SNRNP35: variants seen among roughly 807,000 people sequenced by gnomAD.
The protein encoded by SNRNP35 is small nuclear ribonucleoprotein U11/U12 subunit 35.
SNRNP35 carries 16 observed loss-of-function variants against 24.3 expected under a neutral mutation model. That is an observed-to-expected ratio of 0.66 (90% CI 0.45 to 1.00). The LOEUF (loss-of-function observed/expected upper bound fraction) is 1.00. Among genes scored for constraint, SNRNP35 ranks in the 50% least tolerant of loss-of-function variants. SNRNP35 has a pLI of 0.00. For synonymous variants in SNRNP35, 106 were observed against 124.8 expected (o/e 0.85, Z 1.00); for missense variants, 292 against 327.2 (o/e 0.89, Z 0.83).
intron 1 of SNRNP35, among the ~76,000 whole-genome samples, chr12:123,463,758 GT>G (rs1290294073): frequency 6.7e-6 from 1 of 149,208 alleles, no homozygotes; most frequent in Non-Finnish European, 1.5e-5. Flanking sequence ...ACCTGGTTTG[GT>G]TTTTATTTTT....
intron 1 of SNRNP35, among the ~76,000 whole-genome samples, chr12:123,461,368 T>C (rs931032987): frequency 6.8e-6 from 1 of 147,406 alleles, no homozygotes; most frequent in African/African-American, 2.5e-5. Flanking sequence ...CCTCGTGATC[T>C]GCCCGCCTCG....
rs775399833 is a variant in SNRNP35, at chr12:123,465,561, C to T, written c.21C>T (p.Ile7=). The change falls in exon 2 of 2, where the codon ATC becomes ATT. Residue 7 remains isoleucine (I), a synonymous_variant. Transcript: ENST00000526639. The surrounding 1 kb of genome is among the most constrained non-coding windows in gnomAD (Gnocchi z 4.2). MNDWMP[I]AKEYDPLKAG... ...AGAACATGAACGATTGGATGCCCAT[C>T]GCCAAGGAGTATGATCCACTCAAAG... is the stretch of plus-strand genomic sequence containing the variant. 11 of 1,553,474 alleles carry T rather than the reference C, an allele frequency of 7.1e-6. No homozygotes were observed. The highest frequency in any genetic ancestry group is 8.7e-6 in the Non-Finnish European group (10 of 1,150,926).
downstream of SNRNP35, chr12:123,470,047 A>C (rs1374434497): frequency 6.6e-6 from 1 of 151,954 alleles, no homozygotes; most frequent in African/African-American, 2.4e-5. Context: ...ACACATGTAC[A>C]TATATATATG....
exon 2 of SNRNP35, chr12:123,472,931 G>A (rs1047960262): frequency 1.1e-5 from 5 of 452,206 alleles, no homozygotes; most frequent in African/African-American, 9.8e-5. Flanking sequence ...GATGTGATGT[G>A]TGAGGTGTCT....
chr12:123,469,733 G>C (rs1029735625), downstream of SNRNP35, among the ~76,000 whole-genome samples: 5 of 152,116 alleles, frequency 3.3e-5, no homozygotes, highest in South Asian at 6.2e-4. Flanking sequence ...AAACTCCTGG[G>C]CTCAAGTGAT....
At chr12:123,472,236 T>G in exon 2 of SNRNP35, 1 of 322,568 alleles carries the variant, frequency 3.1e-6, no homozygotes, top group Non-Finnish European at 5.8e-6. Context: ...TTAAAGAAGC[T>G]TGTGTTACTG....
chr12:123,470,307 G>T (rs781038962), downstream of SNRNP35: 4 of 151,154 alleles, frequency 2.6e-5, no homozygotes, highest in African/African-American at 4.9e-5. Context: ...GTAAGACCTG[G>T]TCTCTACAAA....
Position 123,465,414 on chromosome 12 carries a change from T to G in SNRNP35, c.-3-124T>G. 1 of 1,194,370 alleles carries G rather than the reference T, an allele frequency of 8.4e-7. No individual in the cohort carries two copies. Among genetic ancestry groups the G allele is most frequent in the South Asian group, 1.8e-5 (1 of 56,030 alleles). 74.0% of individuals were successfully genotyped at this position (1,194,370 alleles called of 1,614,324 possible). A position where few individuals can be genotyped will look rare whatever the true frequency, so the allele number is the denominator to read the frequency against. The stretch of plus-strand genomic sequence containing the variant: ...AGGGAGGACTTAGCCTCTGTGGGTG[T>G]TCCCTTCCTTTCCTGTTTTTAAGAA... On this transcript the variant is annotated intron_variant, in intron 1 of 1. Transcript: ENST00000526639. This position sits in a 1 kb window ranked among gnomAD's most constrained non-coding sequence, Gnocchi z 4.2.
At chr12:123,467,558 C>G (rs1181383087), downstream of SNRNP35, among the ~76,000 whole-genome samples, 1 of 152,106 alleles carries the variant, frequency 6.6e-6, no homozygotes, top group Non-Finnish European at 1.5e-5. Context: ...CCATACTGTT[C>G]GGATGATTTT....
chr12:123,463,776 T>A (rs1363403806), intron 1 of SNRNP35, among the ~76,000 whole-genome samples: 2 of 151,574 alleles, frequency 1.3e-5, no homozygotes, highest in Non-Finnish European at 2.9e-5. Flanking sequence ...TTTTTATTTT[T>A]TTTTTTGAGA....
chr12:123,471,551 G>A (rs1881190779), downstream of SNRNP35: 1 of 152,214 alleles, frequency 6.6e-6, no homozygotes, highest in Non-Finnish European at 1.5e-5. Context: ...CTCACCAGTT[G>A]CAGTAGAGCA....
At chr12:123,468,358 CAAA>C (rs62816460), downstream of SNRNP35, among the ~76,000 whole-genome samples, 2 of 92,256 alleles carry the variant, frequency 2.2e-5, no homozygotes, top group South Asian at 3.8e-4. Context: ...GACTCTGTCT[CAAA>C]AAAAAAAAAA....
At chr12:123,472,577 A>G (rs2139299169) in exon 2 of SNRNP35, 1 of 1,555,148 alleles carries the variant, frequency 6.4e-7, no homozygotes, top group Non-Finnish European at 8.7e-7. Context: ...GCTCTGTGTA[A>G]CCGTCATCGC....
intron 1 of SNRNP35, among the ~76,000 whole-genome samples, chr12:123,462,833 A>G (rs1352262439): frequency 1.3e-5 from 2 of 151,786 alleles, no homozygotes; most frequent in Non-Finnish European, 2.9e-5. Context: ...TTTGGATTTT[A>G]TTCTGTAGGT....
At chr12:123,470,449 G>C (rs1439390765), downstream of SNRNP35, 2 of 137,948 alleles carry the variant, frequency 1.4e-5, no homozygotes, top group Non-Finnish European at 3.0e-5. Flanking sequence ...CTCCAGCCTA[G>C]GTGACAGAGT....
chr12:123,462,372 T>C (rs1406164176), intron 1 of SNRNP35, among the ~76,000 whole-genome samples: 1 of 152,090 alleles, frequency 6.6e-6, no homozygotes, highest in East Asian at 1.9e-4. Flanking sequence ...AATTAGGGCA[T>C]ATTCAAGGAA....
chr12:123,463,470 T>C (rs1593513406), intron 1 of SNRNP35, among the ~76,000 whole-genome samples: 1 of 151,082 alleles, frequency 6.6e-6, no homozygotes, highest in African/African-American at 2.4e-5. Context: ...CTCCGCCTCC[T>C]GGGTTCAAGC....
chr12:123,466,335 G>C lies in SNRNP35; in HGVS notation c.*54G>C. The C allele has an allele frequency of 2.0e-6, 3 of 1,487,672 alleles. No homozygotes were observed. The highest frequency in any genetic ancestry group is 2.7e-6 in the Non-Finnish European group (3 of 1,115,954). The allele number at this position is 1,487,672 out of a possible 1,614,324, so 92.2% of individuals were successfully genotyped here. On this transcript the variant is annotated 3_prime_UTR_variant, in exon 2 of 2. Transcript: ENST00000526639. ...GTTACAGTGGAAATGAGTGGAGGGG[G>C]ATTGTCTTTCAACGCAGCGTGAGTC...
intron 1 of SNRNP35, among the ~76,000 whole-genome samples, chr12:123,460,624 AGC>A (rs1880559762): frequency 1.4e-5 from 2 of 140,468 alleles, no homozygotes; most frequent in Non-Finnish European, 3.1e-5. Context: ...AAAAAAAAAA[AGC>A]TGGGTATGGT....
Sources: allele counts gnomAD v4.1 joint callset (sites outside exome capture counted in the v4.1 genomes callset), GRCh38; gene constraint gnomAD v4.1.1; non-coding constraint Gnocchi (gnomAD v3.1); transcripts MANE v1.5; gene names NCBI Gene and HGNC (gene_info 2026-07-23, HGNC 2026-07-21).